Variants in LRRC4C observed in about 807,000 individuals in gnomAD.
LRRC4C encodes the protein leucine-rich repeat-containing protein 4C.
Under a neutral mutation model 33.6 loss-of-function variants are expected in LRRC4C, and 5 were observed. The observed-to-expected ratio is 0.15, with a 90% confidence interval of 0.08 to 0.31. LRRC4C has a LOEUF of 0.31. Ranked by LOEUF, LRRC4C falls within the 10% of genes least tolerant of loss-of-function variation. The pLI is 1.00. For missense variants in LRRC4C, 560 were observed against 796.7 expected, an observed-to-expected ratio of 0.70 and a Z score of 3.58; for synonymous variants, 329 against 302.0, an observed-to-expected ratio of 1.09 and a Z score of -0.93.
chr11:40,417,539 ACC>A (rs1950372364), intron 3 of LRRC4C, among the ~76,000 whole-genome samples: 2 of 151,698 alleles, frequency 1.3e-5, no homozygotes, highest in Admixed American at 6.6e-5. Flanking sequence ...ACTAAGTTTC[ACC>A]ATGTTGGCCA....
intron 3 of LRRC4C, among the ~76,000 whole-genome samples, chr11:40,644,257 G>C (rs1197382163): frequency 6.6e-6 from 1 of 152,088 alleles, no homozygotes; most frequent in Non-Finnish European, 1.5e-5. Context: ...TGATAAATGG[G>C]ACTTCATCAA....
intron 6 of LRRC4C, among the ~76,000 whole-genome samples, chr11:40,127,503 A>C (rs11035701): frequency 0.05 from 7,595 of 152,216 alleles, 251 homozygotes; most frequent in Middle Eastern, 0.075. Context: ...AGCCTAACAA[A>C]AAAGTTTGAA....
At chr11:41,314,481 G>A (rs1435433216) in intron 1 of LRRC4C, among the ~76,000 whole-genome samples, 10 of 152,038 alleles carry the variant, frequency 6.6e-5, no homozygotes, top group Admixed American at 6.5e-4. Context: ...AATGCTTTTT[G>A]GTACTGTTAT....
chr11:41,002,839 A>G (rs568072544), intron 1 of LRRC4C, among the ~76,000 whole-genome samples: 1 of 152,292 alleles, frequency 6.6e-6, no homozygotes, highest in East Asian at 1.9e-4. Context: ...AAAAAGCAGA[A>G]GATAAAGCAT....
chr11:40,762,187 A>G (rs1949248295), intron 2 of LRRC4C, among the ~76,000 whole-genome samples: 1 of 152,140 alleles, frequency 6.6e-6, no homozygotes, highest in Non-Finnish European at 1.5e-5. Context: ...TAGGCTAATG[A>G]CGTGGCCTGT....
At chr11:41,406,694 C>T (rs1475991726) in intron 1 of LRRC4C, among the ~76,000 whole-genome samples, 2 of 140,610 alleles carry the variant, frequency 1.4e-5, no homozygotes, top group Non-Finnish European at 3.0e-5. Context: ...TTTCCTCTCC[C>T]CTACACATTC....
At chr11:40,887,022 G>A (rs562320661) in intron 2 of LRRC4C, among the ~76,000 whole-genome samples, 7 of 145,968 alleles carry the variant, frequency 4.8e-5, no homozygotes, top group East Asian at 4.0e-4. Flanking sequence ...ACACACATAC[G>A]AGAAAATATA....
chr11:40,651,635 A>G (rs1245649819), intron 2 of LRRC4C, among the ~76,000 whole-genome samples: 1 of 152,232 alleles, frequency 6.6e-6, no homozygotes, highest in Admixed American at 6.5e-5. Flanking sequence ...ATGGAAAACT[A>G]TACGTTTAGC....
At chr11:41,297,088 A>C (rs1222093580) in intron 1 of LRRC4C, among the ~76,000 whole-genome samples, 3 of 152,232 alleles carry the variant, frequency 2.0e-5, no homozygotes, top group African/African-American at 7.2e-5. Flanking sequence ...GATTTTATCA[A>C]GAAAGAATCT....
chr11:40,152,374 A>T (rs145341998), intron 5 of LRRC4C, among the ~76,000 whole-genome samples: 1 of 152,232 alleles, frequency 6.6e-6, no homozygotes, highest in African/African-American at 2.4e-5. Flanking sequence ...CAGGGGGTAA[A>T]ACTCCACAGG....
chr11:40,428,419 C>G (rs949067504), intron 3 of LRRC4C, among the ~76,000 whole-genome samples: 29 of 152,270 alleles, frequency 1.9e-4, no homozygotes, highest in Non-Finnish European at 3.1e-4. Context: ...TTTGGAAAAG[C>G]TGATCTCTAA....
intron 3 of LRRC4C, among the ~76,000 whole-genome samples, chr11:40,495,813 G>GTTTTTTTTTTTTTTTTTTTTTTTT (rs77683172): frequency 1.5e-5 from 1 of 67,014 alleles, no homozygotes; most frequent in Non-Finnish European, 2.8e-5. Flanking sequence ...CAATAAACAT[G>GTTTTTTTTTTTTTTTTTTTTTTTT]TTTTTTTTTT....
intron 2 of LRRC4C, among the ~76,000 whole-genome samples, chr11:40,842,457 G>A (rs980276044): frequency 1.3e-5 from 2 of 152,162 alleles, no homozygotes; most frequent in Admixed American, 6.6e-5. Context: ...TTGTATACAT[G>A]TTTTTAAATG....
chr11:40,984,315 GAAAAA>G (rs1191957644), intron 1 of LRRC4C, among the ~76,000 whole-genome samples: 4 of 130,676 alleles, frequency 3.1e-5, no homozygotes, highest in African/African-American at 8.7e-5. Flanking sequence ...AGGAAAGAAA[GAAAAA>G]GAAAAGAAAG....
chr11:40,927,356 A>T (rs1957445549), intron 2 of LRRC4C, among the ~76,000 whole-genome samples: 1 of 152,106 alleles, frequency 6.6e-6, no homozygotes, highest in African/African-American at 2.4e-5. Context: ...CCTGAACAAT[A>T]AAGACTGTGA....
At chr11:40,324,202 A>G (rs1435599568) in intron 3 of LRRC4C, among the ~76,000 whole-genome samples, 1 of 152,254 alleles carries the variant, frequency 6.6e-6, no homozygotes, top group East Asian at 1.9e-4. Flanking sequence ...GAGTTTGGAC[A>G]TGATCCTTAA....
chr11:40,332,717 T>C (rs1049537866), intron 3 of LRRC4C, among the ~76,000 whole-genome samples: 2 of 152,210 alleles, frequency 1.3e-5, no homozygotes, highest in African/African-American at 4.8e-5. Context: ...GAACACATCA[T>C]CTTCTTTTAC....
intron 4 of LRRC4C, among the ~76,000 whole-genome samples, chr11:40,313,893 G>A (rs1037023686): frequency 6.6e-6 from 1 of 151,954 alleles, no homozygotes; most frequent in African/African-American, 2.4e-5. Context: ...GATTACAGGC[G>A]TGAGCCGCCG....
At chr11:40,814,747 A>C (rs940930032) in intron 2 of LRRC4C, among the ~76,000 whole-genome samples, 5 of 151,712 alleles carry the variant, frequency 3.3e-5, no homozygotes, top group African/African-American at 1.2e-4. Context: ...AGTTTTACAA[A>C]TCTCTAGGGC....
Sources: gnomAD v4.1 joint callset for allele counts (sites outside exome capture counted in the v4.1 genomes callset) on GRCh38, gnomAD v4.1.1 for gene constraint, MANE v1.5 for transcripts, NCBI Gene and HGNC (gene_info 2026-07-23, HGNC 2026-07-21) for gene names.